The following C3orf33 variants were observed in gnomAD, a reference collection of about 807,000 sequenced individuals.
The protein encoded by C3orf33 is AP-1 activity suppressor.
In C3orf33, 23 loss-of-function variants were observed where a neutral mutation model predicts 28.7. The ratio of observed to expected loss-of-function variants is 0.80; its 90% CI spans 0.58 to 1.13. The LOEUF (loss-of-function observed/expected upper bound fraction) is 1.13. C3orf33 is among the 50% of genes most tolerant of loss of function. The probability of loss-of-function intolerance (pLI) is 0.00; values close to 1 mark genes in which losing one functional copy is unlikely to be tolerated. For synonymous variants in C3orf33, 119 were observed against 120.5 expected (o/e 0.99, Z 0.08); for missense variants, 327 against 353.4 (o/e 0.93, Z 0.60).
intron 1 of C3orf33, among the ~76,000 whole-genome samples, chr3:155,804,334 G>GC (rs1191305113): frequency 2.6e-5 from 4 of 152,080 alleles, no homozygotes; most frequent in African/African-American, 7.2e-5. Context: ...AATAACCCAT[G>GC]CATCTATTAC....
At chr3:155,773,490 G>A (rs2109256163) in intron 3 of C3orf33, among the ~76,000 whole-genome samples, 1 of 152,264 alleles carries the variant, frequency 6.6e-6, no homozygotes, top group East Asian at 1.9e-4. Flanking sequence ...TTAGCTAGAT[G>A]GCATTTAATC....
chr3:155,781,844 GA>G (rs1750934627), intron 2 of C3orf33, among the ~76,000 whole-genome samples: 1 of 149,296 alleles, frequency 6.7e-6, no homozygotes, highest in South Asian at 2.1e-4. Context: ...TTGGGAGGCT[GA>G]GACAGGCAGA....
chr3:155,786,977 A>G (rs921227533), intron 2 of C3orf33, among the ~76,000 whole-genome samples: 9 of 152,240 alleles, frequency 5.9e-5, no homozygotes, highest in African/African-American at 1.9e-4. Context: ...TGACAGCATC[A>G]CTGGTCAATT....
chr3:155,772,126 G>T (rs1258581485), intron 3 of C3orf33, among the ~76,000 whole-genome samples: 2 of 152,174 alleles, frequency 1.3e-5, no homozygotes, highest in African/African-American at 4.8e-5. Flanking sequence ...GATAGCTTCA[G>T]CTTGAAAGGA....
chr3:155,802,437 TA>T, intron 2 of C3orf33, 94 bp downstream of exon 2: 1 of 878,132 alleles, frequency 1.1e-6, no homozygotes. Flanking sequence ...CCAATACGAG[TA>T]ACAATATGAT....
intron 2 of C3orf33, among the ~76,000 whole-genome samples, chr3:155,799,274 T>C (rs996314560): frequency 6.6e-6 from 1 of 152,144 alleles, no homozygotes; most frequent in African/African-American, 2.4e-5. Context: ...ATTAGATATA[T>C]ACCAAAAGAA....
At chr3:155,778,163 A>C (rs1750810107) in intron 2 of C3orf33, among the ~76,000 whole-genome samples, 1 of 151,066 alleles carries the variant, frequency 6.6e-6, no homozygotes, top group Non-Finnish European at 1.5e-5. Context: ...AAAAAAAAAA[A>C]CAAGTAGGGG....
chr3:155,778,385 C>T (rs1282838460), intron 2 of C3orf33, among the ~76,000 whole-genome samples: 1 of 152,090 alleles, frequency 6.6e-6, no homozygotes, highest in Admixed American at 6.6e-5. Flanking sequence ...AAAATCCTTG[C>T]TCTTAGGAAG....
At chr3:155,796,522 G>C (rs1252517930) in intron 2 of C3orf33, among the ~76,000 whole-genome samples, 1 of 152,150 alleles carries the variant, frequency 6.6e-6, no homozygotes, top group African/African-American at 2.4e-5. Flanking sequence ...TATCAAAGCT[G>C]TAATAAAAAC....
chr3:155,775,847 G>A lies in C3orf33; in HGVS notation c.176C>T (p.Thr59Ile), dbSNP rs747097030. Reference protein sequence around the residue: ...IMLLLRSIRLTSKFTSSSDIP... With the variant: ...IMLLLRSIRLISKFTSSSDIP... ...ATCCGAAGAGCTTGTAAATTTTGAT[G>A]TCTATTGATTTACAGGGAGAAAAAT... Residue 59 changes from threonine (T) to isoleucine (I), a missense_variant and splice_region_variant, in exon 3 of 5, where the codon ACA becomes ATA. Physicochemically the swap from Thr to Ile is moderately conservative, Grantham distance 89. Transcript: ENST00000340171. 5.7e-6 allele frequency: 9 copies of A among 1,580,538 alleles called. No individual in the cohort carries two copies. The highest frequency in any genetic ancestry group is 7.8e-6 in the Non-Finnish European group (9 of 1,156,428).
At position 155,763,863 on chromosome 3, in the gene C3orf33, T is replaced by C. The variant is rs1287886459; in HGVS notation, c.539A>G (p.Lys180Arg). 1.6e-5 allele frequency: 24 copies of C among 1,527,122 alleles called. No homozygotes were observed. Among genetic ancestry groups the C allele is most frequent in the Non-Finnish European group, 2.1e-5 (24 of 1,143,688 alleles). The allele number at this position is 1,527,122 out of a possible 1,614,324, so 94.6% of individuals were successfully genotyped here. The change falls in exon 5 of 5, where the codon AAA becomes AGA. Residue 180 changes from lysine (K) to arginine (R), a missense_variant. Physicochemically the swap from Lys to Arg is conservative, Grantham distance 26. Transcript: ENST00000340171. The stretch of plus-strand genomic sequence containing the variant: ...TTTAAGCCCTTTAACAAGAACAGTT[T>C]TGCCAAGGCCTCTTCTCAAAATTTC... ...NEEILRRGLG[K>R]TVLVKGLKYD...
Position 155,806,126 on chromosome 3 carries a change from G to A in C3orf33, c.114+13C>T. The A allele has an allele frequency of 7.1e-7, 1 of 1,408,760 alleles. No individual in the cohort carries two copies. The highest frequency in any genetic ancestry group is 1.5e-5 in the South Asian group (1 of 68,248). 87.3% of individuals were successfully genotyped at this position (1,408,760 alleles called of 1,614,324 possible). ...CGCGCCCACCACCCGCCCAGACTGC[G>A]TGGCCCCAGTACCCGGACTAGGCGC... On this transcript the variant is annotated intron_variant, in intron 1 of 4. Transcript: ENST00000340171.
At chr3:155,774,636 A>G in intron 3 of C3orf33, among the ~76,000 whole-genome samples, 1 of 149,448 alleles carries the variant, frequency 6.7e-6, no homozygotes. Flanking sequence ...AAATTTGTAA[A>G]CTTTCTTAAA....
chr3:155,780,590 A>C (rs1172423672), intron 2 of C3orf33, among the ~76,000 whole-genome samples: 1 of 152,260 alleles, frequency 6.6e-6, no homozygotes, highest in African/African-American at 2.4e-5. Flanking sequence ...AACTTGATAA[A>C]TAAACTCTCA....
At chr3:155,776,598 A>G (rs1750754712) in intron 2 of C3orf33, among the ~76,000 whole-genome samples, 1 of 151,860 alleles carries the variant, frequency 6.6e-6, no homozygotes, top group South Asian at 2.1e-4. Flanking sequence ...AGCCTGGGCA[A>G]CAATAGCAAG....
chr3:155,793,335 G>A (rs1218787791), intron 2 of C3orf33, among the ~76,000 whole-genome samples: 2 of 148,794 alleles, frequency 1.3e-5, no homozygotes, highest in Non-Finnish European at 3.0e-5. Context: ...CACCAGACAT[G>A]TCCTGCAAGA....
intron 3 of C3orf33, among the ~76,000 whole-genome samples, chr3:155,770,025 C>A (rs1750533801): frequency 6.6e-6 from 1 of 152,164 alleles, no homozygotes; most frequent in Non-Finnish European, 1.5e-5. Context: ...CGTGCACTCA[C>A]CCATTCTGAG....
chr3:155,764,574 G>A lies in C3orf33; in HGVS notation c.484-656C>T, dbSNP rs144933703. 3.5e-4 allele frequency among the ~76,000 whole-genome samples: 53 copies of A among 151,582 alleles called. No homozygotes were observed. In the East Asian group the frequency reaches 5.8e-3, roughly 17 times the overall value. The stretch of plus-strand genomic sequence containing the variant: ...TTTACGGTATAAAGGAGATCCTGGC[G>A]GGGCGCGGTGGCTCATGCCTGTAAT... On this transcript the variant is annotated intron_variant, in intron 4 of 4. Transcript: ENST00000340171.
At chr3:155,772,772 C>G (rs1012492554) in intron 3 of C3orf33, among the ~76,000 whole-genome samples, 26 of 142,224 alleles carry the variant, frequency 1.8e-4, no homozygotes, top group Admixed American at 7.9e-4. Flanking sequence ...TTTTTAGGCT[C>G]TGTGTGTGTG....
Sources: gnomAD v4.1 joint callset for allele counts (sites outside exome capture counted in the v4.1 genomes callset) on GRCh38, gnomAD v4.1.1 for gene constraint, MANE v1.5 for transcripts, NCBI Gene and HGNC (gene_info 2026-07-23, HGNC 2026-07-21) for gene names.